The following PCSK5 variants were observed in gnomAD, a reference collection of about 807,000 sequenced individuals.
PCSK5 encodes proprotein convertase subtilisin/kexin type 5, also known as prohormone convertase 5.
In PCSK5, 129 loss-of-function variants were observed where a neutral mutation model predicts 233.2. That is an observed-to-expected ratio of 0.55 (90% confidence interval 0.48 to 0.64). The LOEUF (loss-of-function observed/expected upper bound fraction) is 0.64. Among genes scored for constraint, PCSK5 ranks in the 30% least tolerant of loss-of-function variants. The pLI is 0.00. For synonymous variants in PCSK5, 825 were observed against 879.2 expected, an observed-to-expected ratio of 0.94 and a Z score of 1.09; for missense variants, 2,076 against 2,430.1, an observed-to-expected ratio of 0.85 and a Z score of 3.06.
chr9:75,970,996 G>A (rs1193707544), intron 2 of PCSK5, among the ~76,000 whole-genome samples: 1 of 152,058 alleles, frequency 6.6e-6, no homozygotes, highest in Admixed American at 6.6e-5. Flanking sequence ...AATGTGTGCT[G>A]TGGTGGTTTG....
intron 12 of PCSK5, among the ~76,000 whole-genome samples, chr9:76,166,120 C>G (rs1385997829): frequency 6.6e-6 from 1 of 152,068 alleles, no homozygotes; most frequent in Non-Finnish European, 1.5e-5. Flanking sequence ...ATGTAAAGCC[C>G]AGTTAGGTGA....
At chr9:76,219,917 C>T (rs1825668528) in intron 20 of PCSK5, among the ~76,000 whole-genome samples, 1 of 152,204 alleles carries the variant, frequency 6.6e-6, no homozygotes, top group Admixed American at 6.5e-5. Context: ...TATCGCCTCA[C>T]CGTGAATGCA....
At chr9:75,942,989 A>C (rs1824388938) in intron 2 of PCSK5, among the ~76,000 whole-genome samples, 1 of 144,800 alleles carries the variant, frequency 6.9e-6, no homozygotes, top group Non-Finnish European at 1.5e-5. Flanking sequence ...GGTTCCAGCT[A>C]TTCTCCTGCT....
chr9:76,162,823 T>C (rs1347040907), intron 12 of PCSK5, among the ~76,000 whole-genome samples: 2 of 152,158 alleles, frequency 1.3e-5, no homozygotes, highest in African/African-American at 4.8e-5. Context: ...GGGGTAGGGG[T>C]GATTCTTTTC....
chr9:75,966,399 G>A (rs1825588236), intron 2 of PCSK5, among the ~76,000 whole-genome samples: 2 of 152,198 alleles, frequency 1.3e-5, no homozygotes, highest in Non-Finnish European at 2.9e-5. Context: ...ATGGTTGTCA[G>A]CTGAAGTGTC....
At chr9:76,278,528 T>TC (rs1827762099) in intron 24 of PCSK5, among the ~76,000 whole-genome samples, 1 of 151,362 alleles carries the variant, frequency 6.6e-6, no homozygotes, top group Non-Finnish European at 1.5e-5. Context: ...GACCTGAGCT[T>TC]TTTTTTTTCC....
chr9:76,156,625 G>A (rs1333310889), intron 10 of PCSK5, among the ~76,000 whole-genome samples: 2 of 152,126 alleles, frequency 1.3e-5, no homozygotes, highest in Non-Finnish European at 2.9e-5. Flanking sequence ...TAAACAGTGG[G>A]GCCCTGGAGA....
chr9:76,144,275 G>T (rs575791659), intron 10 of PCSK5, among the ~76,000 whole-genome samples: 1 of 151,794 alleles, frequency 6.6e-6, no homozygotes, highest in Non-Finnish European at 1.5e-5. Flanking sequence ...GAAATCATCC[G>T]CTTCTTTTCA....
intron 9 of PCSK5, among the ~76,000 whole-genome samples, chr9:76,131,931 A>T (rs749623843): frequency 1.6e-4 from 24 of 152,114 alleles, no homozygotes; most frequent in Non-Finnish European, 2.8e-4. Context: ...GTCAAATCTA[A>T]GTGTATTCTT....
intron 7 of PCSK5, among the ~76,000 whole-genome samples, chr9:76,091,088 C>G (rs2131640080): frequency 6.6e-6 from 1 of 152,294 alleles, no homozygotes; most frequent in Non-Finnish European, 1.5e-5. Flanking sequence ...CACTTGCCTG[C>G]CCACCACCCA....
intron 6 of PCSK5, among the ~76,000 whole-genome samples, chr9:76,070,614 T>C (rs149149442): frequency 6.6e-6 from 1 of 152,348 alleles, no homozygotes; most frequent in East Asian, 1.9e-4. Context: ...TAACAGTTAT[T>C]GAGTAGTGGC....
intron 24 of PCSK5, among the ~76,000 whole-genome samples, chr9:76,258,631 C>A (rs1267217881): frequency 6.6e-6 from 1 of 152,096 alleles, no homozygotes; most frequent in Non-Finnish European, 1.5e-5. Context: ...GGAGGTAAGT[C>A]AAGAACCATT....
intron 20 of PCSK5, among the ~76,000 whole-genome samples, chr9:76,219,956 G>A (rs1389377468): frequency 6.6e-6 from 1 of 152,054 alleles, no homozygotes; most frequent in African/African-American, 2.4e-5. Context: ...TCACCACTAG[G>A]GTGGGCCCTC....
At chr9:76,289,525 C>CGCA (rs1828214231) in intron 24 of PCSK5, among the ~76,000 whole-genome samples, 1 of 93,002 alleles carries the variant, frequency 1.1e-5, no homozygotes, top group African/African-American at 3.5e-5. Flanking sequence ...CATACACACA[C>CGCA]ACACACACAC....
At chr9:76,056,338 A>G (rs534143130) in intron 5 of PCSK5, among the ~76,000 whole-genome samples, 2 of 152,308 alleles carry the variant, frequency 1.3e-5, no homozygotes, top group Non-Finnish European at 2.9e-5. Context: ...GAAACCTCAA[A>G]TAAGTTAATG....
chr9:76,047,404 G>C (rs1467612415), intron 5 of PCSK5, among the ~76,000 whole-genome samples: 2 of 152,122 alleles, frequency 1.3e-5, no homozygotes, highest in Non-Finnish European at 2.9e-5. Flanking sequence ...TTCAGGGCCT[G>C]ACATTTTCTA....
intron 1 of PCSK5, among the ~76,000 whole-genome samples, chr9:75,908,875 T>TTATCTATC (rs58985562): frequency 0.074 from 8,534 of 114,940 alleles, 507 homozygotes; most frequent in East Asian, 0.13. Flanking sequence ...CTCTTTCTAT[T>TTATCTATC]TATCTATCTA....
At chr9:76,007,398 T>C (rs1277039966) in intron 3 of PCSK5, among the ~76,000 whole-genome samples, 2 of 152,234 alleles carry the variant, frequency 1.3e-5, no homozygotes, top group Admixed American at 1.3e-4. Flanking sequence ...TGTCTACTAG[T>C]CTCCATTCAT....
intron 1 of PCSK5, among the ~76,000 whole-genome samples, chr9:75,932,159 C>T (rs944317200): frequency 3.9e-5 from 6 of 152,224 alleles, no homozygotes; most frequent in African/African-American, 1.4e-4. Context: ...TTCAGTTCCG[C>T]AGTCACTGCC....
Sources: gnomAD v4.1 joint callset for allele counts (sites outside exome capture counted in the v4.1 genomes callset) on GRCh38, gnomAD v4.1.1 for gene constraint, MANE v1.5 for transcripts, NCBI Gene and HGNC (gene_info 2026-07-23, HGNC 2026-07-21) for gene names.